GRIP1: variants seen among roughly 807,000 people sequenced by gnomAD.
GRIP1 encodes glutamate receptor interacting protein 1.
Under a neutral mutation model 129.9 loss-of-function variants are expected in GRIP1, and 45 were observed. The observed-to-expected ratio is 0.35, with a 90% CI of 0.27 to 0.44. GRIP1 has a LOEUF of 0.44. GRIP1 is among the 20% of genes least tolerant of loss of function. The pLI, the probability that GRIP1 is intolerant of heterozygous loss-of-function variation, is 1.00. For synonymous variants in GRIP1, 530 were observed against 520.8 expected (o/e 1.02, Z -0.24); for missense variants, 1,196 against 1,396.8 (o/e 0.86, Z 2.29).
At chr12:66,934,478 C>T (rs183490731) in intron 1 of GRIP1, among the ~76,000 whole-genome samples, 11 of 152,276 alleles carry the variant, frequency 7.2e-5, no homozygotes, top group Admixed American at 1.3e-4. Flanking sequence ...AGCTGCAGAT[C>T]TGAAAGGGGC....
In GRIP1 at chr12:66,573,969, C is replaced by T. The variant is rs1433292710; in HGVS notation, c.136+22878G>A. Among the ~76,000 whole-genome samples, 3 of 152,146 alleles carry T rather than the reference C, an allele frequency of 2.0e-5. 1 individual carries two copies. The South Asian group carries it at 6.2e-4, about 32-fold the overall frequency. ...CTAAGATCATGGAAAACATGATAAT[C>T]CCTTTTCCATATGAGCTGAAATATT... On this transcript the variant is annotated intron_variant, in intron 2 of 24. Transcript: ENST00000359742.
chr12:66,749,979 G>A (rs953719086), intron 1 of GRIP1, among the ~76,000 whole-genome samples: 12 of 152,166 alleles, frequency 7.9e-5, no homozygotes, highest in African/African-American at 2.9e-4. Flanking sequence ...TGAAAACCAA[G>A]TACCACTTGA....
chr12:66,895,352 C>T (rs1000846423), intron 1 of GRIP1, among the ~76,000 whole-genome samples: 2 of 152,168 alleles, frequency 1.3e-5, no homozygotes, highest in Non-Finnish European at 2.9e-5. Flanking sequence ...CGTTCTCTTG[C>T]CTGCTGCCAT....
intron 1 of GRIP1, among the ~76,000 whole-genome samples, chr12:66,601,074 T>C (rs1050532479): frequency 3.3e-5 from 5 of 152,096 alleles, no homozygotes; most frequent in Non-Finnish European, 5.9e-5. Context: ...ACAGGGAGAA[T>C]TGACATGGTG....
chr12:66,766,413 C>T lies in GRIP1; in HGVS notation c.-420+37640G>A, dbSNP rs537487216. Among the ~76,000 whole-genome samples the T allele has an allele frequency of 9.8e-5, 15 of 152,304 alleles. No homozygotes were observed. The East Asian group carries it at 1.2e-3, about 12-fold the overall frequency. On this transcript the variant is annotated intron_variant, in intron 1 of 4. Coordinates refer to the GRIP1 transcript ENST00000538373. ...GGGACAGCTGGCACTCCCTTCCTTG[C>T]TCTTTGCCAGCACACGGCACACACA...
At chr12:66,928,092 C>G (rs908443062) in intron 1 of GRIP1, among the ~76,000 whole-genome samples, 1 of 152,152 alleles carries the variant, frequency 6.6e-6, no homozygotes, top group Non-Finnish European at 1.5e-5. Context: ...TGTCTGCGCT[C>G]CGGACTTCAG....
intron 1 of GRIP1, among the ~76,000 whole-genome samples, chr12:66,961,417 T>C (rs1039004726): frequency 6.6e-6 from 1 of 152,186 alleles, no homozygotes; most frequent in Non-Finnish European, 1.5e-5. Flanking sequence ...TGTTTCCAAA[T>C]GACCATTTAG....
chr12:67,047,624 A>G (rs1255180853), intron 1 of GRIP1, among the ~76,000 whole-genome samples: 28 of 152,208 alleles, frequency 1.8e-4, no homozygotes, highest in Admixed American at 1.8e-3. Context: ...TATTTATTGA[A>G]TAACTAATAA....
chr12:66,489,025 T>A lies in GRIP1; in HGVS notation c.725-23603A>T, dbSNP rs144366088. ...ATCCAGGACCAGACAGATTCACAGCTGAATTCCACCAGAGGTACAAAGAAG... is the reference window on the plus strand; with the variant it reads ...ATCCAGGACCAGACAGATTCACAGCAGAATTCCACCAGAGGTACAAAGAAG... On this transcript the variant is annotated intron_variant, in intron 7 of 24. Coordinates refer to ENST00000359742, the MANE Select transcript of GRIP1 (RefSeq NM_001366722.1). Among the ~76,000 whole-genome samples, 77 of 152,224 alleles carry A rather than the reference T, an allele frequency of 5.1e-4. No individual in the cohort carries two copies. The East Asian group carries it at 0.013, about 25-fold the overall frequency.
intron 1 of GRIP1, among the ~76,000 whole-genome samples, chr12:66,968,758 CAATT>C (rs2042032248): frequency 6.7e-6 from 1 of 149,136 alleles, no homozygotes. Context: ...TCTTTTAGCT[CAATT>C]AATGAGAAAA....
At chr12:66,867,584 ATATGT>A (rs765696604) in intron 1 of GRIP1, among the ~76,000 whole-genome samples, 2 of 152,166 alleles carry the variant, frequency 1.3e-5, no homozygotes, top group Non-Finnish European at 2.9e-5. Flanking sequence ...TATACCTTAC[ATATGT>A]TATAATTATC....
intron 1 of GRIP1, among the ~76,000 whole-genome samples, chr12:66,599,715 T>G (rs920316547): frequency 3.9e-5 from 6 of 152,182 alleles, no homozygotes; most frequent in African/African-American, 9.7e-5. Context: ...CTATGGAGGC[T>G]TCTATCTTCT....
chr12:66,995,794 C>G (rs1285371069), intron 1 of GRIP1, among the ~76,000 whole-genome samples: 1 of 152,088 alleles, frequency 6.6e-6, no homozygotes, highest in Admixed American at 6.5e-5. Context: ...ACACAGCTAC[C>G]ATATGACACT....
chr12:66,636,877 C>G (rs1309145449), intron 1 of GRIP1, among the ~76,000 whole-genome samples: 1 of 152,142 alleles, frequency 6.6e-6, no homozygotes, highest in Non-Finnish European at 1.5e-5. Flanking sequence ...GACTTTCCAG[C>G]CTCCAGAACT....
intron 7 of GRIP1, among the ~76,000 whole-genome samples, chr12:66,483,632 AT>A (rs1016126173): frequency 3.3e-5 from 5 of 152,144 alleles, no homozygotes; most frequent in African/African-American, 1.2e-4. Context: ...TACATGACAG[AT>A]TTTTTTGGTA....
At chr12:66,650,512 C>T (rs1473549998) in intron 1 of GRIP1, among the ~76,000 whole-genome samples, 2 of 152,130 alleles carry the variant, frequency 1.3e-5, no homozygotes, top group Non-Finnish European at 2.9e-5. Flanking sequence ...AGATGAGTTG[C>T]ATAGCTTTCT....
chr12:66,856,793 A>G (rs1355855757), intron 1 of GRIP1, among the ~76,000 whole-genome samples: 1 of 151,976 alleles, frequency 6.6e-6, no homozygotes, highest in Non-Finnish European at 1.5e-5. Flanking sequence ...AACTAGTTCA[A>G]CCATTGTGGA....
At chr12:66,850,246 T>A (rs1411852093) in intron 1 of GRIP1, among the ~76,000 whole-genome samples, 4 of 152,176 alleles carry the variant, frequency 2.6e-5, no homozygotes, top group Non-Finnish European at 5.9e-5. Context: ...TCTAGGAAGC[T>A]ACCTACACCC....
At chr12:66,579,675 C>T (rs201633811) in intron 2 of GRIP1, among the ~76,000 whole-genome samples, 3 of 151,812 alleles carry the variant, frequency 2.0e-5, no homozygotes, top group South Asian at 2.1e-4. Flanking sequence ...AGATGAAACA[C>T]GTGAAATGAA....
Sources: gnomAD v4.1 joint callset for allele counts (sites outside exome capture counted in the v4.1 genomes callset) on GRCh38, gnomAD v4.1.1 for gene constraint, MANE v1.5 for transcripts, NCBI Gene and HGNC (gene_info 2026-07-23, HGNC 2026-07-21) for gene names.